The following STX8 variants were observed in gnomAD, a reference collection of about 807,000 sequenced individuals.
The protein encoded by STX8 is syntaxin-8.
Under a neutral mutation model 37.5 loss-of-function variants are expected in STX8, and 23 were observed. The ratio of observed to expected loss-of-function variants is 0.61; its 90% CI spans 0.44 to 0.87. STX8 has a LOEUF of 0.87. Ranked by LOEUF, STX8 falls within the 40% of genes least tolerant of loss-of-function variation. The pLI is 0.00. For missense variants in STX8, 313 were observed against 284.7 expected, an observed-to-expected ratio of 1.10 and a Z score of -0.71; for synonymous variants, 115 against 99.1, an observed-to-expected ratio of 1.16 and a Z score of -0.95.
chr17:9,527,190 A>AAAT, intron 4 of STX8, among the ~76,000 whole-genome samples: 1 of 140,912 alleles, frequency 7.1e-6, no homozygotes, highest in African/African-American at 2.6e-5. Flanking sequence ...CGTCTCAAAA[A>AAAT]AAAAAAAAAA....
chr17:9,512,482 G>A (rs75764620), intron 4 of STX8, among the ~76,000 whole-genome samples: 5,350 of 148,474 alleles, frequency 0.036, 295 homozygotes, highest in African/African-American at 0.12. Context: ...TTTTTTTTCC[G>A]AGGCAGAGTC....
At chr17:9,376,609 CAA>C (rs1911596704) in intron 7 of STX8, among the ~76,000 whole-genome samples, 1 of 152,202 alleles carries the variant, frequency 6.6e-6, no homozygotes, top group Non-Finnish European at 1.5e-5. Context: ...TCACTGTTCA[CAA>C]TAAATCTTGC....
At chr17:9,509,042 T>C (rs1597716087) in intron 4 of STX8, among the ~76,000 whole-genome samples, 1 of 151,280 alleles carries the variant, frequency 6.6e-6, no homozygotes, top group Non-Finnish European at 1.5e-5. Flanking sequence ...ATGTCAGGAG[T>C]TCAAGACCAG....
chr17:9,278,863 G>A (rs781782145), intron 7 of STX8, among the ~76,000 whole-genome samples: 2 of 151,990 alleles, frequency 1.3e-5, no homozygotes, highest in Non-Finnish European at 2.9e-5. Context: ...TGCTAAAGGG[G>A]CACTGGAAGG....
At chr17:9,365,032 G>GAGAAGAGAAAGTGATGAGA (rs1362768100) in intron 7 of STX8, among the ~76,000 whole-genome samples, 1 of 152,132 alleles carries the variant, frequency 6.6e-6, no homozygotes, top group African/African-American at 2.4e-5. Context: ...AAGTGATGAG[G>GAGAAGAGAAAGTGATGAGA]AGAAGAGAAA....
intron 6 of STX8, chr17:9,464,600 T>C (rs1017838295): frequency 6.6e-6 from 1 of 151,976 alleles, no homozygotes; most frequent in African/African-American, 2.4e-5. Context: ...ATCTCAAGAG[T>C]GTGTCATAAA....
chr17:9,296,502 A>AAAC (rs1908547939), intron 7 of STX8, among the ~76,000 whole-genome samples: 1 of 149,588 alleles, frequency 6.7e-6, no homozygotes, highest in African/African-American at 2.4e-5. Flanking sequence ...CCATCTCTCA[A>AAAC]AAAAAAAAAA....
intron 7 of STX8, among the ~76,000 whole-genome samples, chr17:9,281,543 G>A (rs1024111669): frequency 8.6e-5 from 13 of 151,922 alleles, no homozygotes; most frequent in African/African-American, 2.7e-4. Context: ...GAGCCACAGG[G>A]GAAATTTTCC....
At chr17:9,305,689 G>A (rs904603078) in intron 7 of STX8, 1 of 150,360 alleles carries the variant, frequency 6.7e-6, no homozygotes, top group African/African-American at 2.5e-5. Context: ...TATCATGGTG[G>A]TCTCATAAGA....
intron 6 of STX8, among the ~76,000 whole-genome samples, chr17:9,401,812 C>T (rs1309584127): frequency 6.6e-6 from 1 of 152,192 alleles, no homozygotes; most frequent in Non-Finnish European, 1.5e-5. Context: ...TAACCATGTA[C>T]TCTTGTTTTA....
At chr17:9,571,161 T>C (rs1907673397) in intron 1 of STX8, among the ~76,000 whole-genome samples, 1 of 152,144 alleles carries the variant, frequency 6.6e-6, no homozygotes, top group African/African-American at 2.4e-5. Flanking sequence ...TTATGAGAAA[T>C]GCACACAGCT....
chr17:9,575,643 C>G (rs768716890), intron 1 of STX8, 149 bp downstream of exon 1: 16 of 973,474 alleles, frequency 1.6e-5, no homozygotes, highest in Non-Finnish European at 2.4e-5. Context: ...CGGGATGTGG[C>G]TGAGCCCCCT....
intron 6 of STX8, among the ~76,000 whole-genome samples, chr17:9,405,464 G>A (rs1039927263): frequency 1.3e-5 from 2 of 152,276 alleles, no homozygotes; most frequent in East Asian, 3.9e-4. Flanking sequence ...ATCTGGAAAA[G>A]GGGCTCTTGT....
At chr17:9,458,660 C>T (rs535823879) in intron 6 of STX8, among the ~76,000 whole-genome samples, 43 of 152,228 alleles carry the variant, frequency 2.8e-4, no homozygotes, top group African/African-American at 1.0e-3. Context: ...CCAGCACTCC[C>T]AATGCAATAT....
At chr17:9,293,727 G>A (rs750882546) in intron 7 of STX8, among the ~76,000 whole-genome samples, 1 of 151,392 alleles carries the variant, frequency 6.6e-6, no homozygotes, top group Non-Finnish European at 1.5e-5. Flanking sequence ...AACCCCAGAT[G>A]TCATGTTTAA....
intron 4 of STX8, among the ~76,000 whole-genome samples, chr17:9,534,592 C>A (rs1195435520): frequency 6.6e-6 from 1 of 152,086 alleles, no homozygotes; most frequent in Non-Finnish European, 1.5e-5. Flanking sequence ...AGATTGAGAC[C>A]ATCCTGCCAA....
At position 9,416,370 on chromosome 17, in the gene STX8, TTTAA is replaced by T. The variant is rs369009576; in HGVS notation, c.542-37721_542-37718del. Reference sequence around the variant, plus strand: ...ACTATGGGAGGAATTTAGTTTGTAGTTTAATTTTTTTTTTTTTAAGATGGAGTCT... The same window carrying T: ...ACTATGGGAGGAATTTAGTTTGTAGTTTTTTTTTTTTTTAAGATGGAGTCT... On this transcript the variant is annotated intron_variant, in intron 6 of 7. Coordinates refer to ENST00000306357, the MANE Select transcript of STX8 (RefSeq NM_004853.3). Among the ~76,000 whole-genome samples, 108 of 151,626 alleles carry T rather than the reference TTTAA, an allele frequency of 7.1e-4. 2 individuals are homozygous for T. In the East Asian group the frequency reaches 0.017, roughly 23 times the overall value.
At position 9,551,293 on chromosome 17, in the gene STX8, C is replaced by G. The variant is rs116274441; in HGVS notation, c.213-6011G>C. 8.8e-3 allele frequency among the ~76,000 whole-genome samples: 1,342 copies of G among 152,252 alleles called. 11 individuals are homozygous for G. Among genetic ancestry groups the G allele is most frequent in the African/African-American group, 0.031 (1,285 of 41,536 alleles). ...TACCAGGCCAAGTCCTTACCTTCCT[C>G]AAAGCACTGATCACATTTTGCAAGT... On this transcript the variant is annotated intron_variant, in intron 3 of 7. Coordinates refer to ENST00000306357, the MANE Select transcript of STX8 (RefSeq NM_004853.3).
intron 7 of STX8, among the ~76,000 whole-genome samples, chr17:9,287,177 G>A (rs1296555972): frequency 6.6e-6 from 1 of 152,162 alleles, no homozygotes; most frequent in African/African-American, 2.4e-5. Flanking sequence ...AAAGCAGATG[G>A]ATAAGTCATC....
Sources: allele counts gnomAD v4.1 joint callset (sites outside exome capture counted in the v4.1 genomes callset), GRCh38; gene constraint gnomAD v4.1.1; transcripts MANE v1.5; gene names NCBI Gene and HGNC (gene_info 2026-07-23, HGNC 2026-07-21).